Variants in ADGRF1 observed in about 807,000 individuals in gnomAD.
ADGRF1 encodes the protein G protein-coupled receptor 110.
Under a neutral mutation model 87.2 loss-of-function variants are expected in ADGRF1, and 85 were observed. The ratio of observed to expected loss-of-function variants is 0.97; its 90% confidence interval spans 0.82 to 1.17. The LOEUF is 1.17. Among genes scored for constraint, ADGRF1 ranks in the 50% most tolerant of loss-of-function variants. The probability of loss-of-function intolerance (pLI) is 0.00; values close to 1 mark genes in which losing one functional copy is unlikely to be tolerated. For missense variants in ADGRF1, 1,169 were observed against 1,077.2 expected, an observed-to-expected ratio of 1.09 and a Z score of -1.19; for synonymous variants, 430 against 408.8, an observed-to-expected ratio of 1.05 and a Z score of -0.63.
intron 10 of ADGRF1, 152 bp from the exon 11 acceptor site, chr6:47,010,470 C>T (rs1779673465): frequency 2.8e-6 from 2 of 722,750 alleles, no homozygotes; most frequent in Non-Finnish European, 4.4e-6. Context: ...AAATTTAGCT[C>T]AGTTCATCTG....
rs1779257166 is a variant in ADGRF1, at chr6:46,997,878, T to C, written c.*2344A>G. On this transcript the variant is annotated 3_prime_UTR_variant, in exon 15 of 15. Coordinates refer to ENST00000371253, the MANE Select transcript of ADGRF1 (RefSeq NM_153840.4). ...GGGAGAAGCTTTTTCTTCCATCAGA[T>C]ACATTCCAGTTGTATGCCAACATAC... The C allele has an allele frequency of 6.6e-6, 1 of 152,202 alleles. No individual in the cohort carries two copies. 9.4% of individuals were successfully genotyped at this position (152,202 alleles called of 1,614,324 possible). A position where few individuals can be genotyped will look rare whatever the true frequency, so the allele number is the denominator to read the frequency against.
In ADGRF1 at chr6:47,009,958, C is replaced by A. The variant is rs377139714; in HGVS notation, c.1477G>T (p.Val493Phe). ...ASLTLGNILP[V>F]SKNGNAQVNG... is the part of the protein sequence containing the mutation. ...ACCTGAGCATTTCCATTTTTGGAAA[C>A]GGGTAGAATGTTCCCCAGAGTCAAC... Residue 493 changes from valine (V) to phenylalanine (F), a missense_variant, in exon 11 of 15, where the codon GTT becomes TTT. Val to Phe is a conservative substitution (Grantham distance 50, BLOSUM62 -1). Transcript: ENST00000371253. The A allele has an allele frequency of 3.3e-5, 54 of 1,613,900 alleles. No homozygotes were observed. The highest frequency in any genetic ancestry group is 4.4e-5 in the Non-Finnish European group (52 of 1,179,954).
At chr6:47,019,303 G>T in intron 7 of ADGRF1, 4 of 974,796 alleles carry the variant, frequency 4.1e-6, no homozygotes, top group Non-Finnish European at 4.9e-6. Flanking sequence ...TGTTTTTGCT[G>T]GTATTGAATT....
chr6:47,031,969 C>A (rs368179832), intron 1 of ADGRF1, among the ~76,000 whole-genome samples: 1 of 152,038 alleles, frequency 6.6e-6, no homozygotes, highest in Non-Finnish European at 1.5e-5. Flanking sequence ...CCTCAGCTTC[C>A]AAAGTGGGAC....
At chr6:47,035,330 A>G (rs1780558440) in intron 1 of ADGRF1, among the ~76,000 whole-genome samples, 1 of 152,204 alleles carries the variant, frequency 6.6e-6, no homozygotes, top group African/African-American at 2.4e-5. Flanking sequence ...CTTATTTCTC[A>G]TCTCCTCTAC....
At chr6:47,015,435 G>A (rs1237375537) in intron 8 of ADGRF1, among the ~76,000 whole-genome samples, 14 of 151,714 alleles carry the variant, frequency 9.2e-5, no homozygotes, top group Non-Finnish European at 1.5e-5. Flanking sequence ...TTTCAGATGG[G>A]GTTGCACTCT....
At chr6:47,031,331 T>TTCTCTCTCTCTCTCTCTCTGTCTC (rs1780419572) in intron 1 of ADGRF1, among the ~76,000 whole-genome samples, 1 of 128,254 alleles carries the variant, frequency 7.8e-6, no homozygotes, top group Admixed American at 7.8e-5. Flanking sequence ...TCTCTCTCTC[T>TTCTCTCTCTCTCTCTCTCTGTCTC]TCTCTCTCTC....
rs182286482 is a variant in ADGRF1 at position 47,012,911 on chromosome 6, C to T, written c.928-716G>A. ...CAGCCTCCCAAGTAGCTGGGATTAC[C>T]GGCATGCACCACCACGCCCAGCTAA... On this transcript the variant is annotated intron_variant, in intron 9 of 14. Transcript: ENST00000371253. The T allele has an allele frequency of 2.5e-3, 1,359 of 551,158 alleles. 2 individuals are homozygous for T. The highest frequency in any genetic ancestry group is 2.9e-3 in the Non-Finnish European group (1,273 of 433,514). The allele number at this position is 551,158 out of a possible 1,614,324, so 34.1% of individuals were successfully genotyped here.
intron 4 of ADGRF1, among the ~76,000 whole-genome samples, chr6:47,025,516 G>A (rs943067806): frequency 5.9e-5 from 9 of 152,268 alleles, no homozygotes; most frequent in African/African-American, 2.2e-4. Flanking sequence ...GGGCCATGGA[G>A]CCAGTTCTAG....
At chr6:47,016,832 T>A (rs1779895930) in intron 7 of ADGRF1, 64 bp from the exon 8 acceptor site, 1 of 1,495,914 alleles carries the variant, frequency 6.7e-7, no homozygotes, top group Non-Finnish European at 9.0e-7. Flanking sequence ...ACTCCCGGCC[T>A]ATGCTGTGTG....
intron 9 of ADGRF1, chr6:47,012,618 C>T: frequency 1.0e-6 from 1 of 982,716 alleles, no homozygotes; most frequent in Non-Finnish European, 1.2e-6. Context: ...AAAGAGCACT[C>T]AGCGGAAAAT....
chr6:47,036,916 T>A (rs1365657697), intron 1 of ADGRF1, among the ~76,000 whole-genome samples: 1 of 152,192 alleles, frequency 6.6e-6, no homozygotes, highest in East Asian at 1.9e-4. Flanking sequence ...AGTTTTGAAC[T>A]CCCACAATTT....
intron 11 of ADGRF1, 32 bp downstream of exon 11, chr6:47,008,913 A>G: frequency 6.5e-7 from 1 of 1,531,494 alleles, no homozygotes; most frequent in Non-Finnish European, 8.8e-7. Context: ...CAATCACTTG[A>G]CAATACAATA....
Position 47,020,807 on chromosome 6 carries a change from G to A in ADGRF1, c.553-18C>T, listed in dbSNP as rs768485807. On this transcript the variant is annotated intron_variant, in intron 6 of 14. Transcript: ENST00000371253. ...TTTTTAAGCTTAGAAAGAGAACAAA[G>A]AACAATGTGTTAATTGTTCTTCCCG... is the stretch of plus-strand genomic sequence containing the variant. 2 of 1,604,208 alleles carry A rather than the reference G, an allele frequency of 1.2e-6. No homozygotes were observed. Among genetic ancestry groups the A allele is most frequent in the South Asian group, 2.2e-5 (2 of 90,798 alleles).
At chr6:47,023,955 T>C (rs923153611) in intron 5 of ADGRF1, 89 bp downstream of exon 5, 2 of 1,193,020 alleles carry the variant, frequency 1.7e-6, no homozygotes, top group African/African-American at 1.5e-5. Context: ...TAAACAAACA[T>C]TGACTAGCTA....
intron 2 of ADGRF1, 107 bp from the exon 3 acceptor site, chr6:47,027,868 G>A (rs1780287620): frequency 2.6e-6 from 2 of 772,016 alleles, no homozygotes; most frequent in Non-Finnish European, 4.4e-6. Context: ...TAAAATCCAA[G>A]CCAGGGATGG....
chr6:47,035,957 G>A (rs1326903256), intron 1 of ADGRF1, among the ~76,000 whole-genome samples: 6 of 152,126 alleles, frequency 3.9e-5, no homozygotes, highest in South Asian at 2.1e-4. Flanking sequence ...TGGGCTGGGC[G>A]CGATGGCTCA....
At chr6:47,004,729 G>C (rs1214858384) in intron 13 of ADGRF1, among the ~76,000 whole-genome samples, 3 of 152,118 alleles carry the variant, frequency 2.0e-5, no homozygotes, top group African/African-American at 4.8e-5. Context: ...AGTTCTTCCA[G>C]ACATAAAATC....
intron 7 of ADGRF1, 156 bp from the exon 8 acceptor site, chr6:47,016,924 A>G (rs1779898068): frequency 5.6e-6 from 5 of 890,298 alleles, no homozygotes; most frequent in Non-Finnish European, 7.4e-6. Flanking sequence ...AAAAACAAGT[A>G]TCCACCAAAA....
Sources: gnomAD v4.1 joint callset for allele counts (sites outside exome capture counted in the v4.1 genomes callset) on GRCh38, gnomAD v4.1.1 for gene constraint, MANE v1.5 for transcripts, NCBI Gene and HGNC (gene_info 2026-07-23, HGNC 2026-07-21) for gene names.